Variants in RASGRP3 observed in about 807,000 individuals in gnomAD.
RASGRP3 encodes the protein RAS guanyl releasing protein 3.
RASGRP3 carries 54 observed loss-of-function variants against 82.7 expected under a neutral mutation model. The observed-to-expected ratio is 0.65, with a 90% CI of 0.52 to 0.82. The LOEUF (loss-of-function observed/expected upper bound fraction) is 0.82, where lower values mean the gene tolerates loss of function less well. RASGRP3 is among the 40% of genes least tolerant of loss of function. The pLI is 0.00. For missense variants in RASGRP3, 861 were observed against 828.9 expected (o/e 1.04, Z -0.48); for synonymous variants, 309 against 300.5 (o/e 1.03, Z -0.29).
intron 1 of RASGRP3, among the ~76,000 whole-genome samples, chr2:33,486,038 C>T (rs1197350659): frequency 6.6e-6 from 1 of 152,180 alleles, no homozygotes; most frequent in Non-Finnish European, 1.5e-5. Context: ...TCAGGAAGTA[C>T]AGTCTAGTAG....
Position 33,553,154 on chromosome 2 carries a change from T to C in RASGRP3, c.1543-2377T>C, listed in dbSNP as rs138935655. 2.2e-3 allele frequency among the ~76,000 whole-genome samples: 331 copies of C among 151,644 alleles called. 1 individual carries two copies. The highest frequency in any genetic ancestry group is 7.7e-3 in the African/African-American group (318 of 41,314). ...TGTAACATATCTGGATATTAGGATG[T>C]CTCTTCTTAAATCTTATCCTTTCTT... On this transcript the variant is annotated intron_variant, in intron 14 of 17. Coordinates refer to ENST00000403687, the MANE Select transcript of RASGRP3 (RefSeq NM_001139488.2).
At chr2:33,543,901 C>G (rs4670191) in intron 13 of RASGRP3, among the ~76,000 whole-genome samples, 97,736 of 152,100 alleles carry the variant, frequency 0.64, 31,561 homozygotes, top group Middle Eastern at 0.68. Flanking sequence ...TATTGCTTAG[C>G]TCTCAACCTC....
chr2:33,497,776 G>A (rs1669463743), intron 1 of RASGRP3, among the ~76,000 whole-genome samples: 7 of 152,154 alleles, frequency 4.6e-5, no homozygotes, highest in Admixed American at 4.6e-4. Flanking sequence ...GATCAATAAA[G>A]ATATCATTGA....
intron 13 of RASGRP3, among the ~76,000 whole-genome samples, chr2:33,547,061 A>C (rs1314381841): frequency 1.4e-4 from 18 of 130,232 alleles, no homozygotes; most frequent in African/African-American, 5.4e-4. Context: ...GGGAAAAAAA[A>C]AAAAAAAAAA....
intron 11 of RASGRP3, among the ~76,000 whole-genome samples, chr2:33,536,371 G>A (rs1673613098): frequency 6.6e-6 from 1 of 150,738 alleles, no homozygotes; most frequent in Admixed American, 6.6e-5. Flanking sequence ...AACTAGGTCT[G>A]GTGAGAGTAG....
chr2:33,513,318 A>G (rs1408639082), intron 2 of RASGRP3, among the ~76,000 whole-genome samples: 1 of 152,222 alleles, frequency 6.6e-6, no homozygotes, highest in Non-Finnish European at 1.5e-5. Flanking sequence ...ATGTCACTCC[A>G]GTGGTCTCAC....
chr2:33,552,856 C>G lies in RASGRP3; in HGVS notation c.1543-2675C>G, dbSNP rs150321758. Among the ~76,000 whole-genome samples the G allele has an allele frequency of 2.0e-3, 312 of 152,330 alleles. 2 individuals carry two copies. The highest frequency in any genetic ancestry group is 7.2e-3 in the African/African-American group (298 of 41,566). ...TGAGTCACACCCAGGTCTCCTGACT[C>G]TCAGTCCAGTGTGCCTTACACCACA... On this transcript the variant is annotated intron_variant, in intron 14 of 17. Transcript: ENST00000403687.
intron 2 of RASGRP3, among the ~76,000 whole-genome samples, chr2:33,466,892 A>G (rs1179021373): frequency 6.6e-6 from 1 of 152,120 alleles, no homozygotes; most frequent in East Asian, 1.9e-4. Flanking sequence ...CAGGGTTTGA[A>G]GTCAGACAGA....
chr2:33,525,285 A>G (rs935947672), intron 9 of RASGRP3, among the ~76,000 whole-genome samples: 33 of 152,070 alleles, frequency 2.2e-4, no homozygotes, highest in African/African-American at 7.2e-4. Flanking sequence ...GAAGATAGAA[A>G]GGGGAAGACA....
At chr2:33,475,249 T>C (rs1436208389), upstream of RASGRP3, among the ~76,000 whole-genome samples, 1 of 152,236 alleles carries the variant, frequency 6.6e-6, no homozygotes, top group Non-Finnish European at 1.5e-5. Flanking sequence ...TCCCATTTGC[T>C]CTTCGGACTC....
chr2:33,559,769 A>G (rs1574511687), intron 17 of RASGRP3: 1 of 405,304 alleles, frequency 2.5e-6, no homozygotes, highest in East Asian at 7.0e-5. Context: ...TGTTCTCATA[A>G]ACAGAATATT....
At chr2:33,537,320 A>ACACCAC (rs771052774) in intron 11 of RASGRP3, among the ~76,000 whole-genome samples, 2 of 33,324 alleles carry the variant, frequency 6.0e-5, no homozygotes, top group Non-Finnish European at 5.6e-5. Context: ...ACACACACAC[A>ACACCAC]CCGCCCCCCC....
chr2:33,554,949 T>A (rs1362102446), intron 14 of RASGRP3: 1 of 152,274 alleles, frequency 6.6e-6, no homozygotes, highest in Non-Finnish European at 1.5e-5. Flanking sequence ...ACAGACTCCT[T>A]GCTTGGCAGA....
At position 33,557,873 on chromosome 2, in the gene RASGRP3, C is replaced by A. The variant is rs115888136; in HGVS notation, c.1580-338C>A. Among the ~76,000 whole-genome samples the A allele has an allele frequency of 2.9e-3, 446 of 152,256 alleles. 4 individuals carry two copies. Among genetic ancestry groups the A allele is most frequent in the African/African-American group, 0.01 (433 of 41,560 alleles). The stretch of plus-strand genomic sequence containing the variant: ...TCCGTCTAAGCCTGGGAAAGACTCT[C>A]AACCCCATTTGATTTGCATTTAGTT... On this transcript the variant is annotated intron_variant, in intron 15 of 17. Transcript: ENST00000403687.
intron 8 of RASGRP3, 31 bp from the exon 9 acceptor site, chr2:33,524,401 C>T: frequency 7.3e-7 from 1 of 1,362,142 alleles, no homozygotes; most frequent in Non-Finnish European, 1.0e-6. Flanking sequence ...TTTGAAAATC[C>T]TTAAAAAGCA....
At chr2:33,497,381 A>G (rs147583673) in intron 1 of RASGRP3, among the ~76,000 whole-genome samples, 211 of 152,344 alleles carry the variant, frequency 1.4e-3, no homozygotes, top group Non-Finnish European at 2.6e-3. Context: ...AAATTACCAC[A>G]GAAGCTGATG....
intron 3 of RASGRP3, among the ~76,000 whole-genome samples, chr2:33,515,464 A>G (rs905699060): frequency 1.3e-5 from 2 of 152,026 alleles, no homozygotes; most frequent in Non-Finnish European, 2.9e-5. Flanking sequence ...ACCACCATCC[A>G]TTGGTCATAT....
intron 13 of RASGRP3, among the ~76,000 whole-genome samples, chr2:33,549,198 G>T (rs192023630): frequency 5.1e-4 from 77 of 152,246 alleles, no homozygotes; most frequent in Middle Eastern, 6.8e-3. Context: ...TTTGAGAATG[G>T]TCAGCCCAGT....
chr2:33,463,094 A>T (rs1477052094), intron 2 of RASGRP3, among the ~76,000 whole-genome samples: 1 of 152,252 alleles, frequency 6.6e-6, no homozygotes, highest in Non-Finnish European at 1.5e-5. Flanking sequence ...AGAGCCTCAA[A>T]AATGAATGAA....
Sources: gnomAD v4.1 joint callset for allele counts (sites outside exome capture counted in the v4.1 genomes callset) on GRCh38, gnomAD v4.1.1 for gene constraint, MANE v1.5 for transcripts, NCBI Gene and HGNC (gene_info 2026-07-23, HGNC 2026-07-21) for gene names.